FANCM: variants seen among roughly 807,000 people sequenced by gnomAD.
FANCM encodes the protein Fanconi anemia group M protein.
In FANCM, 140 loss-of-function variants were observed where a neutral mutation model predicts 199.5. That is an observed-to-expected ratio of 0.70 (90% CI 0.61 to 0.81). The LOEUF (loss-of-function observed/expected upper bound fraction) is 0.81. FANCM is among the 30% of genes least tolerant of loss of function. The pLI is 0.00. For missense variants in FANCM, 2,410 were observed against 2,421.4 expected, an observed-to-expected ratio of 1.00 and a Z score of 0.10; for synonymous variants, 840 against 836.8, an observed-to-expected ratio of 1.00 and a Z score of -0.07.
At position 45,164,455 on chromosome 14, in the gene FANCM, T is replaced by A; in HGVS notation, c.1678T>A (p.Cys560Ser). The A allele has an allele frequency of 1.2e-6, 2 of 1,613,680 alleles. No individual in the cohort carries two copies. Among genetic ancestry groups the A allele is most frequent in the Non-Finnish European group, 1.7e-6 (2 of 1,179,922 alleles). The change falls in exon 10 of 23, where the codon TGT becomes AGT. Residue 560 changes from cysteine to serine, a missense_variant. Transcript: ENST00000267430. ...TATAGGAGAAGTTGATCTTATAATA[T>A]GTTTTGATTCCCAGAAGAGCCCAAT... ...LDIGEVDLII[C>S]FDSQKSPIRL... is the part of the protein sequence containing the mutation.
chr14:45,181,490 A>G lies in FANCM; in HGVS notation c.4283A>G (p.Lys1428Arg). The G allele has an allele frequency of 6.2e-7, 1 of 1,608,302 alleles. No individual in the cohort carries two copies. The highest frequency in any genetic ancestry group is 8.5e-7 in the Non-Finnish European group (1 of 1,174,980). ...GACGAGATTTTCCGAAGAAAAGTTA[A>G]AAGAGCAAAAGGAAATGTTTTAAAC... ...EDDEIFRRKV[K>R]RAKGNVLNSP... is the part of the protein sequence containing the mutation. The change falls in exon 15 of 23, where the codon AAA becomes AGA. Residue 1428 changes from lysine to arginine, a missense_variant. Lys to Arg is a conservative substitution (Grantham distance 26). Transcript: ENST00000267430.
chr14:45,196,849 G>A (rs577069557), intron 21 of FANCM, among the ~76,000 whole-genome samples: 107 of 152,316 alleles, frequency 7.0e-4, no homozygotes, highest in African/African-American at 2.2e-3. Flanking sequence ...AGTAGTATTC[G>A]GGAGATGTTT....
Position 45,200,114 on chromosome 14 carries a change from T to G in FANCM, c.*106T>G. 1.9e-6 allele frequency: 1 copy of G among 525,634 alleles called. No individual in the cohort carries two copies. 32.6% of individuals were successfully genotyped at this position (525,634 alleles called of 1,614,324 possible). A position where few individuals can be genotyped will look rare whatever the true frequency, so the allele number is the denominator to read the frequency against. On this transcript the variant is annotated 3_prime_UTR_variant, in exon 23 of 23. Coordinates refer to ENST00000267430, the MANE Select transcript of FANCM (RefSeq NM_020937.4). Reference sequence around the variant, plus strand: ...TTTGTAAATAAGAGAATATTTTATTTAAATATTTTATATTGTATACATTTT... The same window carrying G: ...TTTGTAAATAAGAGAATATTTTATTGAAATATTTTATATTGTATACATTTT...
In FANCM at chr14:45,176,041, C is replaced by T. The variant is rs2139247288; in HGVS notation, c.3287C>T (p.Pro1096Leu). ...HKHNQNENLV[P>L]NNRVQIHRSP... ...CATAATCAAAATGAAAATTTAGTAC[C>T]TAACAATCGTGTTCAAATACACAGA... The change falls in exon 14 of 23, where the codon CCT becomes CTT. Residue 1096 changes from proline to leucine, a missense_variant. By Grantham distance (98) the Pro-to-Leu change is moderately conservative (BLOSUM62 -3). Transcript: ENST00000267430. 1 of 1,613,890 alleles carries T rather than the reference C, an allele frequency of 6.2e-7. No homozygotes were observed. Among genetic ancestry groups the T allele is most frequent in the Non-Finnish European group, 8.5e-7 (1 of 1,179,866 alleles).
At chr14:45,164,252 T>C (rs910083921) in intron 9 of FANCM, 107 bp from the exon 10 acceptor site, 3 of 951,692 alleles carry the variant, frequency 3.2e-6, no homozygotes, top group Admixed American at 2.0e-5. Context: ...TTGAGGCTGA[T>C]TTTTAATCTG....
intron 17 of FANCM, 75 bp downstream of exon 17, chr14:45,183,977 A>C (rs556191857): frequency 1.8e-6 from 2 of 1,091,846 alleles, no homozygotes; most frequent in East Asian, 5.2e-5. Flanking sequence ...ATCAATGTAG[A>C]TTTCTCTATA....
At chr14:45,194,850 A>G (rs1442808286) in intron 20 of FANCM, among the ~76,000 whole-genome samples, 1 of 144,136 alleles carries the variant, frequency 6.9e-6, no homozygotes, top group Non-Finnish European at 1.5e-5. Context: ...CTCGCTCCGT[A>G]GCCCAGGCTG....
chr14:45,147,561 C>G (rs904762746), intron 3 of FANCM, among the ~76,000 whole-genome samples: 6 of 152,060 alleles, frequency 3.9e-5, no homozygotes, highest in Non-Finnish European at 8.8e-5. Context: ...GGGATTACAC[C>G]CTTAGGCGTG....
intron 8 of FANCM, among the ~76,000 whole-genome samples, chr14:45,158,217 C>G (rs924815110): frequency 6.6e-6 from 1 of 151,988 alleles, no homozygotes; most frequent in South Asian, 2.1e-4. Flanking sequence ...AACAAACAAC[C>G]AAAAACCCCA....
chr14:45,144,969 C>T (rs1295084573), intron 3 of FANCM, among the ~76,000 whole-genome samples: 4 of 151,960 alleles, frequency 2.6e-5, no homozygotes, highest in Admixed American at 2.6e-4. Context: ...GTCTAAGAGT[C>T]TCACCCAAGG....
At chr14:45,173,301 T>C in intron 13 of FANCM, 91 bp downstream of exon 13, 1 of 1,189,304 alleles carries the variant, frequency 8.4e-7, no homozygotes, top group Non-Finnish European at 1.3e-6. Context: ...TAATAAGAAA[T>C]ACTTTGTTTT....
intron 11 of FANCM, 110 bp downstream of exon 11, chr14:45,167,273 ATATAT>A (rs1259197950): frequency 9.6e-6 from 7 of 728,154 alleles, no homozygotes; most frequent in African/African-American, 1.8e-5. Context: ...GTTCTAATTA[ATATAT>A]TATAGGCATT....
chr14:45,176,186 C>G lies in FANCM; in HGVS notation c.3432C>G (p.Phe1144Leu), dbSNP rs374047969. The change falls in exon 14 of 23, where the codon TTC becomes TTG. Residue 1144 changes from phenylalanine to leucine, a missense_variant. Coordinates refer to ENST00000267430, the MANE Select transcript of FANCM (RefSeq NM_020937.4). ...LLLFEDVNTE[F>L]DDVSLSPLNS... Reference sequence around the variant, plus strand: ...TATTTGAAGATGTTAATACAGAGTTCGACGATGTGAGTCTTTCACCCTTGA... The same window carrying G: ...TATTTGAAGATGTTAATACAGAGTTGGACGATGTGAGTCTTTCACCCTTGA... 3 of 1,614,000 alleles carry G rather than the reference C, an allele frequency of 1.9e-6. No individual in the cohort carries two copies. The highest frequency in any genetic ancestry group is 2.7e-5 in the African/African-American group (2 of 75,020).
Position 45,175,066 on chromosome 14 carries a change from T to C in FANCM, c.2317-5T>C, listed in dbSNP as rs370111392. The C allele has an allele frequency of 6.3e-7, 1 of 1,592,008 alleles. No individual in the cohort carries two copies. The highest frequency in any genetic ancestry group is 1.3e-5 in the African/African-American group (1 of 74,472). On this transcript the variant is annotated splice_polypyrimidine_tract_variant and splice_region_variant and intron_variant, in intron 13 of 22. Coordinates refer to ENST00000267430, the MANE Select transcript of FANCM (RefSeq NM_020937.4). The stretch of plus-strand genomic sequence containing the variant: ...TGTGGCTTTTTAAATTTTCCTTATT[T>C]ATAGGGAGAATGCAGCTATGAATTG...
chr14:45,155,808 C>T (rs1213191056), intron 8 of FANCM, among the ~76,000 whole-genome samples: 3 of 152,046 alleles, frequency 2.0e-5, no homozygotes, highest in South Asian at 4.1e-4. Context: ...TAAATAATCT[C>T]GAAAATAAAA....
chr14:45,183,739 T>C, intron 16 of FANCM, 35 bp from the exon 17 acceptor site: 1 of 1,537,028 alleles, frequency 6.5e-7, no homozygotes, highest in Non-Finnish European at 9.0e-7. Flanking sequence ...GAAAATATTT[T>C]TTTCTTATGC....
At chr14:45,163,302 A>C (rs1383184092) in intron 9 of FANCM, among the ~76,000 whole-genome samples, 2 of 152,326 alleles carry the variant, frequency 1.3e-5, no homozygotes, top group Non-Finnish European at 2.9e-5. Flanking sequence ...CTAATATATA[A>C]AGTACTTAGT....
At chr14:45,138,039 G>C (rs1245201301) in intron 2 of FANCM, 1 of 152,188 alleles carries the variant, frequency 6.6e-6, no homozygotes, top group African/African-American at 2.4e-5. Flanking sequence ...TCTGGGTGGA[G>C]AGCAGGTTTA....
In FANCM at chr14:45,196,367, G is replaced by A; in HGVS notation, c.5536G>A (p.Glu1846Lys). The A allele has an allele frequency of 6.2e-7, 1 of 1,614,160 alleles. No homozygotes were observed. Among genetic ancestry groups the A allele is most frequent in the African/African-American group, 1.3e-5 (1 of 75,052 alleles). Residue 1846 changes from glutamate (E) to lysine (K), a missense_variant, in exon 21 of 23, where the codon GAA becomes AAA. Physicochemically the swap from Glu to Lys is moderately conservative, Grantham distance 56. Coordinates refer to ENST00000267430, the MANE Select transcript of FANCM (RefSeq NM_020937.4). The stretch of plus-strand genomic sequence containing the variant: ...AAGAGCAATTCATGGGTTGCAAGTA[G>A]AAGTTTGTCCTCTTAATGGCTGTGA... Reference protein sequence around the residue: ...SLRAIHGLQVEVCPLNGCDYI... With the variant: ...SLRAIHGLQVKVCPLNGCDYI...
Sources: gnomAD v4.1 joint callset for allele counts (sites outside exome capture counted in the v4.1 genomes callset) on GRCh38, gnomAD v4.1.1 for gene constraint, MANE v1.5 for transcripts, NCBI Gene and HGNC (gene_info 2026-07-23, HGNC 2026-07-21) for gene names.